The following PRKCB variants were observed in gnomAD, a reference collection of about 807,000 sequenced individuals.
PRKCB encodes the protein protein kinase C beta type.
PRKCB carries 13 observed loss-of-function variants against 81.5 expected under a neutral mutation model. The observed-to-expected ratio is 0.16, with a 90% CI of 0.10 to 0.25. PRKCB has a LOEUF of 0.25. Among genes scored for constraint, PRKCB ranks in the 10% least tolerant of loss-of-function variants. The pLI, the probability that PRKCB is intolerant of heterozygous loss-of-function variation, is 1.00. For missense variants in PRKCB, 509 were observed against 875.7 expected (o/e 0.58, Z 5.29); for synonymous variants, 335 against 321.4 (o/e 1.04, Z -0.45).
chr16:24,180,753 G>T, intron 12 of PRKCB, 37 bp from the exon 13 acceptor site: 1 of 1,605,014 alleles, frequency 6.2e-7, no homozygotes, highest in Non-Finnish European at 8.5e-7. Context: ...AATGCATAGC[G>T]TTTAATTAAA....
At chr16:23,837,567 T>G (rs1213734739) in intron 2 of PRKCB, among the ~76,000 whole-genome samples, 161 bp downstream of exon 2, 1 of 151,558 alleles carries the variant, frequency 6.6e-6, no homozygotes, top group African/African-American at 2.4e-5. Context: ...TTTCAAGGGG[T>G]GTGTGTGTGA....
intron 9 of PRKCB, among the ~76,000 whole-genome samples, chr16:24,138,784 C>G (rs553864555): frequency 6.6e-6 from 1 of 151,108 alleles, no homozygotes; most frequent in Admixed American, 6.6e-5. Context: ...CCATTCTGCT[C>G]TCTGTTTCTT....
At chr16:24,055,907 G>A (rs1406366450) in intron 5 of PRKCB, among the ~76,000 whole-genome samples, 1 of 152,098 alleles carries the variant, frequency 6.6e-6, no homozygotes, top group African/African-American at 2.4e-5. Flanking sequence ...ACACAGTGCT[G>A]GGCTCTTTAC....
rs1428598976 is a variant in PRKCB at position 24,125,099 on chromosome 16, CCAA to C, written c.1065+1119_1065+1121del. ...TCGTTACCTATAATTAATTGCAATCCCAATCTTGTTACCTATAATTAATCGTTA... is the reference window on the plus strand; with the variant it reads ...TCGTTACCTATAATTAATTGCAATCCTCTTGTTACCTATAATTAATCGTTA... On this transcript the variant is annotated intron_variant, in intron 9 of 16. Coordinates refer to ENST00000643927, the MANE Select transcript of PRKCB (RefSeq NM_002738.7). Among the ~76,000 whole-genome samples, 521 of 65,838 alleles carry C rather than the reference CCAA, an allele frequency of 7.9e-3. 7 individuals carry two copies. Among genetic ancestry groups the C allele is most frequent in the African/African-American group, 0.048 (486 of 10,036 alleles). The allele number at this position is 65,838 out of a possible 152,430, so 43.2% of individuals were successfully genotyped here.
intron 3 of PRKCB, among the ~76,000 whole-genome samples, chr16:23,995,137 G>T (rs148012431): frequency 1.3e-5 from 2 of 152,176 alleles, no homozygotes; most frequent in East Asian, 1.9e-4. Context: ...AGGATAAGTT[G>T]TTGCATCTGG....
intron 7 of PRKCB, among the ~76,000 whole-genome samples, chr16:24,108,987 C>T (rs571156365): frequency 1.4e-5 from 2 of 145,872 alleles, no homozygotes; most frequent in African/African-American, 2.6e-5. Flanking sequence ...GGGGACTGAC[C>T]CCCCCACCTC....
chr16:24,055,206 C>T (rs1216148655), intron 5 of PRKCB, among the ~76,000 whole-genome samples: 4 of 152,252 alleles, frequency 2.6e-5, no homozygotes, highest in African/African-American at 7.2e-5. Context: ...ATCTTCTCCA[C>T]CCACCAAAGG....
chr16:23,908,692 AT>A (rs11301650), intron 2 of PRKCB, among the ~76,000 whole-genome samples: 145,313 of 150,770 alleles, frequency 0.96, 70,060 homozygotes, highest in East Asian at 1. Flanking sequence ...TGCCCAGCTA[AT>A]TTTTTTTTTT....
chr16:23,944,328 TTA>T (rs1266234622), intron 2 of PRKCB, among the ~76,000 whole-genome samples: 1 of 152,228 alleles, frequency 6.6e-6, no homozygotes, highest in Non-Finnish European at 1.5e-5. Flanking sequence ...TAGCTTAAAA[TTA>T]TCCTTCTGTA....
chr16:23,949,138 C>A (rs80098548), intron 2 of PRKCB, among the ~76,000 whole-genome samples: 1 of 152,134 alleles, frequency 6.6e-6, no homozygotes, highest in African/African-American at 2.4e-5. Flanking sequence ...TACACTCTTC[C>A]GGAGTCTGTA....
intron 2 of PRKCB, among the ~76,000 whole-genome samples, chr16:23,934,318 GTT>G (rs3073130): frequency 0.072 from 9,700 of 135,042 alleles, 442 homozygotes; most frequent in Middle Eastern, 0.15. Context: ...GAAAAAAGCT[GTT>G]TTTTTTTTTT....
At chr16:23,949,706 T>C (rs971780543) in intron 2 of PRKCB, among the ~76,000 whole-genome samples, 1 of 152,178 alleles carries the variant, frequency 6.6e-6, no homozygotes, top group African/African-American at 2.4e-5. Context: ...TCCAATTTAG[T>C]GGCAGTGGGG....
chr16:24,191,038 A>G, intron 15 of PRKCB, 52 bp from the exon 16 acceptor site: 5 of 1,583,950 alleles, frequency 3.2e-6, no homozygotes, highest in Middle Eastern at 1.7e-4. Context: ...TGAGTGTCTT[A>G]CATTTCCTCT....
intron 2 of PRKCB, chr16:23,869,196 G>C: frequency 2.2e-6 from 1 of 445,018 alleles, no homozygotes; most frequent in South Asian, 1.6e-5. Context: ...CATTTAAACA[G>C]AGGCTTTGAG....
At chr16:24,088,692 G>T (rs549936159) in intron 5 of PRKCB, among the ~76,000 whole-genome samples, 3 of 136,478 alleles carry the variant, frequency 2.2e-5, no homozygotes, top group Non-Finnish European at 4.6e-5. Flanking sequence ...TCGCGCCACC[G>T]CACTCCAGCG....
At chr16:24,109,020 C>G (rs1486451229) in intron 7 of PRKCB, among the ~76,000 whole-genome samples, 2 of 145,766 alleles carry the variant, frequency 1.4e-5, no homozygotes, top group East Asian at 2.1e-4. Context: ...GGCGGCTGGC[C>G]GGGCGGGGGG....
At chr16:23,872,069 TG>T (rs1962914832) in intron 2 of PRKCB, among the ~76,000 whole-genome samples, 1 of 152,190 alleles carries the variant, frequency 6.6e-6, no homozygotes, top group Non-Finnish European at 1.5e-5. Flanking sequence ...CATCAAGGCC[TG>T]AGTGGCTTTG....
At chr16:24,198,696 G>C (rs1410499992) in intron 16 of PRKCB, among the ~76,000 whole-genome samples, 1 of 152,078 alleles carries the variant, frequency 6.6e-6, no homozygotes, top group Non-Finnish European at 1.5e-5. Context: ...TAGTAAACAT[G>C]GCTCTAGTAT....
chr16:24,096,108 C>G (rs1185602396), intron 7 of PRKCB, among the ~76,000 whole-genome samples: 4 of 151,906 alleles, frequency 2.6e-5, no homozygotes, highest in Non-Finnish European at 5.9e-5. Flanking sequence ...CCATCCTGGC[C>G]AACATGGTGA....
Sources: gnomAD v4.1 joint callset for allele counts (sites outside exome capture counted in the v4.1 genomes callset) on GRCh38, gnomAD v4.1.1 for gene constraint, MANE v1.5 for transcripts, NCBI Gene and HGNC (gene_info 2026-07-23, HGNC 2026-07-21) for gene names.